RALA: variants seen among roughly 807,000 people sequenced by gnomAD.
RALA encodes ras-related protein Ral-A.
RALA carries 5 observed loss-of-function variants against 24.0 expected under a neutral mutation model. That is an observed-to-expected ratio of 0.21 (90% CI 0.11 to 0.44). The LOEUF (loss-of-function observed/expected upper bound fraction) is 0.44. Among genes scored for constraint, RALA ranks in the 20% least tolerant of loss-of-function variants. The probability of loss-of-function intolerance (pLI) is 0.99; values close to 1 mark genes in which losing one functional copy is unlikely to be tolerated. For missense variants in RALA, 95 were observed against 241.2 expected (o/e 0.39, Z 4.01); for synonymous variants, 77 against 83.8 (o/e 0.92, Z 0.44).
chr7:39,664,562 A>G (rs907684205), intron 1 of RALA, among the ~76,000 whole-genome samples: 1 of 152,136 alleles, frequency 6.6e-6, no homozygotes, highest in East Asian at 1.9e-4. Context: ...AAGGCTCATT[A>G]CACACAGCAC....
chr7:39,697,301 C>G (rs998008816), intron 4 of RALA: 2 of 449,976 alleles, frequency 4.4e-6, no homozygotes, highest in Non-Finnish European at 4.5e-6. Context: ...TTTAAAATCT[C>G]TCCTGCCACT....
chr7:39,635,348 C>G (rs74666952), intron 1 of RALA, among the ~76,000 whole-genome samples: 2 of 152,252 alleles, frequency 1.3e-5, no homozygotes, highest in South Asian at 4.1e-4. Context: ...ACACTCCAGC[C>G]TGGGCAACAG....
chr7:39,624,743 A>T (rs1438706294), intron 1 of RALA, among the ~76,000 whole-genome samples: 1 of 152,186 alleles, frequency 6.6e-6, no homozygotes, highest in Non-Finnish European at 1.5e-5. Flanking sequence ...AAAAGCACCT[A>T]ATTTACAAAT....
intron 1 of RALA, among the ~76,000 whole-genome samples, chr7:39,682,387 A>G (rs1266231489): frequency 6.6e-6 from 1 of 151,964 alleles, no homozygotes; most frequent in Admixed American, 6.6e-5. Context: ...TATACTTTCA[A>G]CTCTTGATAC....
chr7:39,678,483 G>A (rs181050302), intron 1 of RALA, among the ~76,000 whole-genome samples: 19 of 152,202 alleles, frequency 1.2e-4, no homozygotes, highest in Admixed American at 6.5e-4. Flanking sequence ...TGGTGTAGTT[G>A]TCTAGTTTCT....
intron 1 of RALA, among the ~76,000 whole-genome samples, chr7:39,658,817 A>G (rs1406445495): frequency 2.6e-5 from 4 of 151,944 alleles, no homozygotes; most frequent in Non-Finnish European, 2.9e-5. Context: ...TCCTGGGATC[A>G]AGCAATCCTC....
intron 2 of RALA, among the ~76,000 whole-genome samples, chr7:39,688,717 G>C (rs1056396914): frequency 6.6e-6 from 1 of 152,026 alleles, no homozygotes; most frequent in African/African-American, 2.4e-5. Flanking sequence ...GAGACTATAG[G>C]CATGTGCCAC....
At chr7:39,630,451 T>A (rs904289230) in intron 1 of RALA, among the ~76,000 whole-genome samples, 7 of 152,320 alleles carry the variant, frequency 4.6e-5, no homozygotes, top group African/African-American at 1.7e-4. Flanking sequence ...TGACATATGT[T>A]GCAGATATTT....
chr7:39,686,050 G>A (rs189027559), intron 1 of RALA, among the ~76,000 whole-genome samples: 1 of 152,050 alleles, frequency 6.6e-6, no homozygotes, highest in Admixed American at 6.6e-5. Flanking sequence ...TACTAAAAAT[G>A]CAAAAGCTAG....
At chr7:39,687,426 CAAA>C (rs1177045271) in intron 2 of RALA, among the ~76,000 whole-genome samples, 1 of 115,560 alleles carries the variant, frequency 8.7e-6, no homozygotes. Context: ...GACTCCATCC[CAAA>C]AAAAAAAAAA....
intron 1 of RALA, among the ~76,000 whole-genome samples, chr7:39,656,862 C>CAGTG (rs1792104295): frequency 2.0e-5 from 3 of 152,208 alleles, no homozygotes; most frequent in African/African-American, 7.2e-5. Context: ...GGGGAGTTTC[C>CAGTG]AGTGATGTCA....
intron 4 of RALA, among the ~76,000 whole-genome samples, chr7:39,704,517 T>C (rs1245085654): frequency 6.6e-6 from 1 of 151,694 alleles, no homozygotes; most frequent in African/African-American, 2.4e-5. Flanking sequence ...GGGATTTCTC[T>C]ATGTTGGCCA....
intron 1 of RALA, among the ~76,000 whole-genome samples, chr7:39,673,475 A>G (rs1370902279): frequency 6.6e-6 from 1 of 152,164 alleles, no homozygotes; most frequent in Non-Finnish European, 1.5e-5. Flanking sequence ...TATATCTTAC[A>G]CAGATAGTGG....
At chr7:39,680,686 G>A (rs938789626) in intron 1 of RALA, among the ~76,000 whole-genome samples, 1 of 151,490 alleles carries the variant, frequency 6.6e-6, no homozygotes, top group African/African-American at 2.4e-5. Flanking sequence ...CTTTATATTG[G>A]TATGAGGAGA....
intron 1 of RALA, among the ~76,000 whole-genome samples, chr7:39,654,424 C>T (rs943005018): frequency 3.3e-5 from 5 of 152,078 alleles, no homozygotes; most frequent in African/African-American, 9.7e-5. Flanking sequence ...TGCTAGTGAG[C>T]CAAATCTGCC....
At chr7:39,674,294 A>G (rs1488193321) in intron 1 of RALA, among the ~76,000 whole-genome samples, 1 of 152,104 alleles carries the variant, frequency 6.6e-6, no homozygotes, top group Non-Finnish European at 1.5e-5. Flanking sequence ...ACAATAATCT[A>G]TTTCTACTTG....
chr7:39,697,588 C>T (rs1461970247), intron 4 of RALA: 2 of 341,716 alleles, frequency 5.9e-6, no homozygotes, highest in Non-Finnish European at 1.2e-5. Flanking sequence ...GTGTGCCTCT[C>T]AAGCTCCAAT....
At chr7:39,643,675 T>C (rs965050247) in intron 1 of RALA, among the ~76,000 whole-genome samples, 1 of 131,248 alleles carries the variant, frequency 7.6e-6, no homozygotes, top group Non-Finnish European at 1.7e-5. Flanking sequence ...GGCCTACATA[T>C]CAAAACCCCG....
At chr7:39,687,822 T>G (rs1422726315) in intron 2 of RALA, among the ~76,000 whole-genome samples, 1 of 152,140 alleles carries the variant, frequency 6.6e-6, no homozygotes, top group Non-Finnish European at 1.5e-5. Context: ...CCTCAGAGAG[T>G]TACCCAGCTT....
Sources: gnomAD v4.1 joint callset for allele counts (sites outside exome capture counted in the v4.1 genomes callset) on GRCh38, gnomAD v4.1.1 for gene constraint, MANE v1.5 for transcripts, NCBI Gene and HGNC (gene_info 2026-07-23, HGNC 2026-07-21) for gene names.